HTR4: variants seen among roughly 807,000 people sequenced by gnomAD.
HTR4 encodes 5-hydroxytryptamine receptor 4, also known as 5-hydroxytryptamine (serotonin) receptor 4, G protein-coupled.
Under a neutral mutation model 36.8 loss-of-function variants are expected in HTR4, and 16 were observed. The observed-to-expected ratio is 0.43, with a 90% CI of 0.29 to 0.66. The LOEUF (loss-of-function observed/expected upper bound fraction) is 0.66. Among genes scored for constraint, HTR4 ranks in the 30% least tolerant of loss-of-function variants. The probability of loss-of-function intolerance (pLI) is 0.13; values close to 1 mark genes in which losing one functional copy is unlikely to be tolerated. For missense variants in HTR4, 438 were observed against 490.9 expected (o/e 0.89, Z 1.02); for synonymous variants, 189 against 185.1 (o/e 1.02, Z -0.17).
At chr5:148,619,935 T>G (rs1054562765) in intron 2 of HTR4, among the ~76,000 whole-genome samples, 4 of 152,050 alleles carry the variant, frequency 2.6e-5, no homozygotes, top group African/African-American at 9.7e-5. Flanking sequence ...CAAAATAAAT[T>G]AAAAGCTCTG....
At chr5:148,501,455 T>C (rs1255544109) in intron 6 of HTR4, among the ~76,000 whole-genome samples, 1 of 152,188 alleles carries the variant, frequency 6.6e-6, no homozygotes, top group African/African-American at 2.4e-5. Context: ...TTCATCTGAA[T>C]TTGCTAATGA....
Position 148,489,100 on chromosome 5 carries a change from G to C in HTR4, c.1077-5807C>G, listed in dbSNP as rs539308542. Among the ~76,000 whole-genome samples the C allele has an allele frequency of 3.1e-4, 47 of 152,196 alleles. 1 individual carries two copies. The highest frequency in any genetic ancestry group is 1.1e-3 in the African/African-American group (46 of 41,518). On this transcript the variant is annotated intron_variant, in intron 6 of 6. Transcript: ENST00000377888. Reference sequence around the variant, plus strand: ...TTTTCTATAGTATTCCAATATAAAAGGACCTAAAATATCTAGGAGAAAATA... The same window carrying C: ...TTTTCTATAGTATTCCAATATAAAACGACCTAAAATATCTAGGAGAAAATA...
intron 2 of HTR4, among the ~76,000 whole-genome samples, chr5:148,620,394 A>G (rs1448172166): frequency 1.3e-5 from 2 of 152,234 alleles, no homozygotes; most frequent in African/African-American, 4.8e-5. Context: ...GTGGTGACCC[A>G]CTTGAGTAAT....
chr5:148,554,500 A>C (rs1759840970), intron 2 of HTR4, among the ~76,000 whole-genome samples: 1 of 152,244 alleles, frequency 6.6e-6, no homozygotes, highest in South Asian at 2.1e-4. Context: ...TGAGGATTCT[A>C]GACTCAGAAA....
rs571286640 is a variant in HTR4, at chr5:148,457,740, G to A, written c.1077-6468C>T. Among the ~76,000 whole-genome samples, 46 of 135,382 alleles carry A rather than the reference G, an allele frequency of 3.4e-4. 1 individual carries two copies. In the East Asian group the frequency reaches 6.3e-3, roughly 19 times the overall value. 88.8% of individuals were successfully genotyped at this position (135,382 alleles called of 152,430 possible). A position where few individuals can be genotyped will look rare whatever the true frequency, so the allele number is the denominator to read the frequency against. On this transcript the variant is annotated intron_variant, in intron 5 of 5. Coordinates refer to the HTR4 transcript ENST00000521530. ...TGATATATCATTAAAATATATTTTG[G>A]TATATCATTAAAATATATTTTGGTA...
In HTR4 at chr5:148,546,893, C is replaced by T. The variant is rs1282052181; in HGVS notation, c.353+1775G>A. On this transcript the variant is annotated intron_variant, in intron 4 of 6. Coordinates refer to ENST00000377888, the MANE Select transcript of HTR4 (RefSeq NM_000870.7). The stretch of plus-strand genomic sequence containing the variant: ...ATCCTGACTGTCTTTAAAAGTCTTT[C>T]ATGTACTAAAGTCAGATTGTTGTAA... Among the ~76,000 whole-genome samples, 3 of 152,138 alleles carry T rather than the reference C, an allele frequency of 2.0e-5. No individual in the cohort carries two copies. The East Asian group carries it at 5.8e-4, about 29-fold the overall frequency.
At chr5:148,554,169 G>A (rs932496239) in intron 2 of HTR4, among the ~76,000 whole-genome samples, 1 of 152,080 alleles carries the variant, frequency 6.6e-6, no homozygotes, top group South Asian at 2.1e-4. Flanking sequence ...TCTGCCTCCC[G>A]GGTTCAAGTT....
chr5:148,636,929 A>G lies in HTR4; in HGVS notation c.26+60T>C, dbSNP rs978187237. ...TAACTCTACAACAACAGATTTTTAG[A>G]GTCTTCATAGCAGAAATGTTCTCAG... On this transcript the variant is annotated intron_variant, in intron 2 of 6. Transcript: ENST00000377888. 9.4e-6 allele frequency: 10 copies of G among 1,059,812 alleles called. No homozygotes were observed. The African/African-American group carries it at 9.5e-5, about 10-fold the overall frequency. 65.7% of individuals were successfully genotyped at this position (1,059,812 alleles called of 1,614,324 possible). A position where few individuals can be genotyped will look rare whatever the true frequency, so the allele number is the denominator to read the frequency against.
rs79347374 is a variant in HTR4, at chr5:148,622,771, T to A, written c.26+14218A>T. 3.5e-3 allele frequency among the ~76,000 whole-genome samples: 538 copies of A among 152,316 alleles called. 3 individuals are homozygous for A. Among genetic ancestry groups the A allele is most frequent in the African/African-American group, 0.013 (522 of 41,564 alleles). ...ATGTATGTGAAAGCACGTTGTAAATTTTTTGAAGGACTATATAAATAAATC... is the reference window on the plus strand; with the variant it reads ...ATGTATGTGAAAGCACGTTGTAAATATTTTGAAGGACTATATAAATAAATC... On this transcript the variant is annotated intron_variant, in intron 2 of 6. Coordinates refer to ENST00000377888, the MANE Select transcript of HTR4 (RefSeq NM_000870.7).
At chr5:148,617,221 G>A (rs1455165675) in intron 2 of HTR4, among the ~76,000 whole-genome samples, 3 of 152,140 alleles carry the variant, frequency 2.0e-5, no homozygotes, top group African/African-American at 7.2e-5. Flanking sequence ...ACAAGTGTGT[G>A]GTCCTTCCCA....
At chr5:148,525,966 T>A (rs1758249904) in intron 4 of HTR4, among the ~76,000 whole-genome samples, 1 of 152,146 alleles carries the variant, frequency 6.6e-6, no homozygotes, top group African/African-American at 2.4e-5. Flanking sequence ...AAGGTGGCCA[T>A]GAGAAGATGG....
rs965910252 is a variant in HTR4 at position 148,578,123 on chromosome 5, A to G, written c.27-27861T>C. ...TACTAAAAAGTATTAAGCAAATGCA[A>G]CAGAATGATAAGACTACAAATTCTG... On this transcript the variant is annotated intron_variant, in intron 2 of 6. Transcript: ENST00000377888. 9.2e-5 allele frequency among the ~76,000 whole-genome samples: 14 copies of G among 152,174 alleles called. No individual in the cohort carries two copies. The East Asian group carries it at 2.5e-3, about 27-fold the overall frequency.
chr5:148,464,915 C>T (rs942494901), intron 5 of HTR4, among the ~76,000 whole-genome samples: 1 of 152,092 alleles, frequency 6.6e-6, no homozygotes, highest in Non-Finnish European at 1.5e-5. Context: ...GCTATCAAAC[C>T]ATGAACAGAC....
At chr5:148,590,201 AT>A (rs1761505318) in intron 2 of HTR4, among the ~76,000 whole-genome samples, 1 of 148,088 alleles carries the variant, frequency 6.8e-6, no homozygotes, top group African/African-American at 2.5e-5. Context: ...TGAAAATGGT[AT>A]TCTTCCTCCC....
At chr5:148,459,853 A>C (rs1367152563) in intron 5 of HTR4, among the ~76,000 whole-genome samples, 3 of 152,224 alleles carry the variant, frequency 2.0e-5, no homozygotes, top group Non-Finnish European at 4.4e-5. Context: ...TCAGACTGGG[A>C]ACTTAAAACA....
At chr5:148,565,345 G>A (rs942660232) in intron 2 of HTR4, among the ~76,000 whole-genome samples, 1 of 152,010 alleles carries the variant, frequency 6.6e-6, no homozygotes, top group African/African-American at 2.4e-5. Context: ...AACAGCTGGG[G>A]GCTGTTGAAA....
intron 6 of HTR4, among the ~76,000 whole-genome samples, chr5:148,485,712 G>A (rs1437184013): frequency 6.6e-6 from 1 of 152,152 alleles, no homozygotes; most frequent in African/African-American, 2.4e-5. Context: ...AAAATCCTGT[G>A]AAGGTAGGAG....
At chr5:148,539,219 C>A (rs915089314) in intron 4 of HTR4, among the ~76,000 whole-genome samples, 1 of 151,948 alleles carries the variant, frequency 6.6e-6, no homozygotes, top group African/African-American at 2.4e-5. Flanking sequence ...TATACAAAAG[C>A]CAACTGAAGA....
chr5:148,586,016 A>G (rs1581510968), intron 2 of HTR4, among the ~76,000 whole-genome samples: 1 of 152,128 alleles, frequency 6.6e-6, no homozygotes, highest in East Asian at 1.9e-4. Context: ...ATTTGTTTTG[A>G]CTGTCCCTTA....
Sources: allele counts gnomAD v4.1 joint callset (sites outside exome capture counted in the v4.1 genomes callset), GRCh38; gene constraint gnomAD v4.1.1; transcripts MANE v1.5; gene names NCBI Gene and HGNC (gene_info 2026-07-23, HGNC 2026-07-21).